TENM3: variants seen among roughly 807,000 people sequenced by gnomAD.
TENM3 encodes teneurin transmembrane protein 3.
Under a neutral mutation model 255.1 loss-of-function variants are expected in TENM3, and 63 were observed. The observed-to-expected ratio is 0.25, with a 90% CI of 0.20 to 0.30. The LOEUF is 0.30. Ranked by LOEUF, TENM3 falls within the 10% of genes least tolerant of loss-of-function variation. TENM3 has a pLI of 1.00. For missense variants in TENM3, 2,929 were observed against 3,461.1 expected (o/e 0.85, Z 3.86); for synonymous variants, 1,306 against 1,322.3 (o/e 0.99, Z 0.27).
At chr4:181,857,387 A>T in the TENM3 span, among the ~76,000 whole-genome samples, 9 of 151,802 alleles carry the variant, frequency 5.9e-5, no homozygotes, top group African/African-American at 2.2e-4. Context: ...GGTGGATGAG[A>T]TCTGAGCAAA....
chr4:181,887,662 T>C, the TENM3 span, among the ~76,000 whole-genome samples: 1 of 152,218 alleles, frequency 6.6e-6, no homozygotes, highest in East Asian at 1.9e-4. Flanking sequence ...GCTTCGTATC[T>C]GAGAACAGTG....
At chr4:182,035,261 A>G in the TENM3 span, among the ~76,000 whole-genome samples, 4 of 152,316 alleles carry the variant, frequency 2.6e-5, no homozygotes, top group African/African-American at 9.6e-5. Context: ...CTGCTTCTTG[A>G]CATGCCAGTG....
the TENM3 span, among the ~76,000 whole-genome samples, chr4:181,595,289 G>A: frequency 6.6e-6 from 1 of 151,936 alleles, no homozygotes; most frequent in Non-Finnish European, 1.5e-5. Flanking sequence ...AAATTAGCCA[G>A]GCATGGTGAT....
chr4:182,700,375 A>G (rs1384822526), intron 12 of TENM3, among the ~76,000 whole-genome samples: 1 of 152,200 alleles, frequency 6.6e-6, no homozygotes, highest in Non-Finnish European at 1.5e-5. Context: ...CAAGTTGAAA[A>G]TAGCCTCTTT....
chr4:181,942,136 C>T, the TENM3 span, among the ~76,000 whole-genome samples: 26,662 of 152,040 alleles, frequency 0.18, 3,007 homozygotes, highest in African/African-American at 0.32. Context: ...CAGTCACTTC[C>T]TAATCTCTGC....
intron 1 of TENM3, among the ~76,000 whole-genome samples, chr4:182,156,646 C>T (rs1185710461): frequency 1.3e-5 from 2 of 151,294 alleles, no homozygotes; most frequent in African/African-American, 2.5e-5. Flanking sequence ...TAGAGAGAAA[C>T]GTATTAAACC....
At chr4:181,534,472 C>T in the TENM3 span, among the ~76,000 whole-genome samples, 53 of 103,502 alleles carry the variant, frequency 5.1e-4, no homozygotes, top group East Asian at 5.7e-3. Context: ...GTCTTCCCCC[C>T]CCCCACAGAA....
At chr4:182,605,959 T>A (rs1393736075) in intron 4 of TENM3, among the ~76,000 whole-genome samples, 2 of 152,162 alleles carry the variant, frequency 1.3e-5, no homozygotes, top group Non-Finnish European at 2.9e-5. Context: ...AAAGTTAATT[T>A]TAAGTCCAAA....
At chr4:181,644,462 C>T in the TENM3 span, among the ~76,000 whole-genome samples, 1 of 151,910 alleles carries the variant, frequency 6.6e-6, no homozygotes, top group Non-Finnish European at 1.5e-5. Flanking sequence ...AAGGGCATTT[C>T]ACATGAGCCT....
intron 3 of TENM3, among the ~76,000 whole-genome samples, chr4:182,434,035 A>G (rs189693047): frequency 6.6e-6 from 1 of 152,150 alleles, no homozygotes; most frequent in Admixed American, 6.5e-5. Context: ...GATCCTTTGA[A>G]TTTAGGAGTT....
chr4:182,630,534 C>T (rs72703911), intron 5 of TENM3, among the ~76,000 whole-genome samples: 5,578 of 152,156 alleles, frequency 0.037, 148 homozygotes, highest in Non-Finnish European at 0.057. Context: ...ACAAGACACA[C>T]TGAGGCCTGT....
intron 3 of TENM3, among the ~76,000 whole-genome samples, chr4:182,526,565 GGAA>G (rs1310026042): frequency 2.0e-5 from 3 of 152,160 alleles, no homozygotes; most frequent in Admixed American, 2.0e-4. Context: ...ATAGTGGGAA[GGAA>G]GAATATTACT....
the TENM3 span, among the ~76,000 whole-genome samples, chr4:181,474,055 A>G: frequency 6.6e-6 from 1 of 152,038 alleles, no homozygotes; most frequent in Non-Finnish European, 1.5e-5. Context: ...TAGAACTACC[A>G]CAAGAATAGG....
At chr4:182,668,286 G>A (rs1442047318) in intron 6 of TENM3, among the ~76,000 whole-genome samples, 1 of 152,216 alleles carries the variant, frequency 6.6e-6, no homozygotes, top group East Asian at 1.9e-4. Context: ...TAATATTTGG[G>A]TATGTGAGAG....
intron 3 of TENM3, among the ~76,000 whole-genome samples, chr4:182,561,969 C>CAGAT (rs200715038): frequency 4.9e-5 from 7 of 141,616 alleles, no homozygotes; most frequent in South Asian, 2.3e-4. Flanking sequence ...TGTGTATATC[C>CAGAT]AGATAGATAG....
chr4:181,464,918 T>C, the TENM3 span, among the ~76,000 whole-genome samples: 2 of 152,072 alleles, frequency 1.3e-5, no homozygotes. Flanking sequence ...GCCATTGCAC[T>C]CTCCAGCCTG....
chr4:181,835,857 GATTAAGA>G, the TENM3 span, among the ~76,000 whole-genome samples: 4 of 152,302 alleles, frequency 2.6e-5, no homozygotes, highest in Admixed American at 6.5e-5. Flanking sequence ...TTAATTGTCT[GATTAAGA>G]ATGCAACAGT....
the TENM3 span, among the ~76,000 whole-genome samples, chr4:182,045,764 C>G: frequency 6.6e-6 from 1 of 152,304 alleles, no homozygotes; most frequent in African/African-American, 2.4e-5. Flanking sequence ...GACTTAAAAC[C>G]TAGGCCGGGC....
the TENM3 span, among the ~76,000 whole-genome samples, chr4:181,708,283 A>G: frequency 6.6e-6 from 1 of 152,220 alleles, no homozygotes; most frequent in Non-Finnish European, 1.5e-5. Flanking sequence ...GGTTTAAGAA[A>G]ATGGCATGCT....
Sources: gnomAD v4.1 joint callset for allele counts (sites outside exome capture counted in the v4.1 genomes callset) on GRCh38, gnomAD v4.1.1 for gene constraint, MANE v1.5 for transcripts, NCBI Gene and HGNC (gene_info 2026-07-23, HGNC 2026-07-21) for gene names.